Variants in MCC observed in about 807,000 individuals in gnomAD.
MCC encodes colorectal mutant cancer protein.
MCC carries 90 observed loss-of-function variants against 116.2 expected under a neutral mutation model. The ratio of observed to expected loss-of-function variants is 0.77; its 90% CI spans 0.65 to 0.92. The LOEUF (loss-of-function observed/expected upper bound fraction) is 0.92, where lower values mean the gene tolerates loss of function less well. Among genes scored for constraint, MCC ranks in the 40% least tolerant of loss-of-function variants. The probability of loss-of-function intolerance (pLI) is 0.00; values close to 1 mark genes in which losing one functional copy is unlikely to be tolerated. For missense variants in MCC, 1,516 were observed against 1,312.2 expected, an observed-to-expected ratio of 1.16 and a Z score of -2.40; for synonymous variants, 578 against 510.5, an observed-to-expected ratio of 1.13 and a Z score of -1.78.
intron 3 of MCC, among the ~76,000 whole-genome samples, chr5:113,322,770 A>C (rs1767454979): frequency 6.6e-6 from 1 of 152,190 alleles, no homozygotes; most frequent in Non-Finnish European, 1.5e-5. Context: ...AGGGAAGCCA[A>C]ACAAGAAACA....
chr5:113,144,175 C>A (rs1471805031), intron 4 of MCC, among the ~76,000 whole-genome samples: 2 of 152,154 alleles, frequency 1.3e-5, no homozygotes, highest in Non-Finnish European at 2.9e-5. Flanking sequence ...CCTTGCTCAG[C>A]ATTTGATGGA....
intron 3 of MCC, among the ~76,000 whole-genome samples, chr5:113,219,026 G>T (rs1370030160): frequency 1.3e-5 from 2 of 152,164 alleles, no homozygotes; most frequent in East Asian, 3.8e-4. Context: ...TTAAATTCCT[G>T]ATATAACAGA....
At chr5:113,223,128 G>A (rs74526604) in intron 3 of MCC, among the ~76,000 whole-genome samples, 2 of 152,252 alleles carry the variant, frequency 1.3e-5, no homozygotes, top group African/African-American at 4.8e-5. Flanking sequence ...CTGTCAGGGC[G>A]GCTTCCAGTG....
intron 1 of MCC, among the ~76,000 whole-genome samples, chr5:113,437,390 A>G (rs565756866): frequency 6.6e-6 from 1 of 152,328 alleles, no homozygotes; most frequent in South Asian, 2.1e-4. Flanking sequence ...GAGAAAAAAA[A>G]TTCATTTTCC....
At position 113,122,727 on chromosome 5, in the gene MCC, G is replaced by C. The variant is rs749477962; in HGVS notation, c.984C>G (p.Val328=). Residue 328 remains valine (V), a synonymous_variant, in exon 6 of 19, where the codon GTC becomes GTG. Transcript: ENST00000408903. The stretch of plus-strand genomic sequence containing the variant: ...TGGTAGACTGGTTTTCGGGGATAGA[G>C]ACAGAGGTCTGGTCTTGGTCCATGC... ...SRSMDQDQTS[V]SIPENQSTMV... 1.9e-6 allele frequency: 3 copies of C among 1,614,190 alleles called. No individual in the cohort carries two copies. Among genetic ancestry groups the C allele is most frequent in the African/African-American group, 1.3e-5 (1 of 75,056 alleles).
At chr5:113,356,588 A>G (rs781629362) in intron 2 of MCC, among the ~76,000 whole-genome samples, 82 of 152,308 alleles carry the variant, frequency 5.4e-4, no homozygotes, top group Non-Finnish European at 9.0e-4. Flanking sequence ...ATGCTAGAAC[A>G]GAAAAACCTG....
chr5:113,424,161 ACAC>A, intron 1 of MCC, among the ~76,000 whole-genome samples: 1 of 151,104 alleles, frequency 6.6e-6, no homozygotes, highest in African/African-American at 2.4e-5. Flanking sequence ...ACACACACAC[ACAC>A]ACACACACAC....
chr5:113,163,657 T>A (rs1023893537), intron 3 of MCC, among the ~76,000 whole-genome samples: 3 of 152,088 alleles, frequency 2.0e-5, no homozygotes, highest in Non-Finnish European at 4.4e-5. Flanking sequence ...TGGCACATGG[T>A]AGAATTTCAC....
chr5:113,256,171 C>G (rs544643541), intron 3 of MCC, among the ~76,000 whole-genome samples: 316 of 152,336 alleles, frequency 2.1e-3, no homozygotes, highest in African/African-American at 7.2e-3. Flanking sequence ...GCTGCACCAA[C>G]CCTATCTCTT....
At chr5:113,202,751 C>T (rs1762737894) in intron 3 of MCC, among the ~76,000 whole-genome samples, 1 of 150,428 alleles carries the variant, frequency 6.6e-6, no homozygotes. Context: ...CTACTTTCCC[C>T]TCAGCCCCAA....
At chr5:113,071,050 A>G in intron 12 of MCC, 44 bp downstream of exon 12, 1 of 1,584,134 alleles carries the variant, frequency 6.3e-7, no homozygotes, top group South Asian at 1.2e-5. Context: ...CTCTGGATGC[A>G]CTTCTACCCT....
At chr5:113,107,081 G>A (rs940751455) in intron 6 of MCC, among the ~76,000 whole-genome samples, 2 of 151,972 alleles carry the variant, frequency 1.3e-5, no homozygotes, top group African/African-American at 2.4e-5. Flanking sequence ...CTCATCATTT[G>A]TATCTCCAAC....
chr5:113,283,413 G>T (rs566073868), intron 3 of MCC, among the ~76,000 whole-genome samples: 2 of 152,236 alleles, frequency 1.3e-5, no homozygotes, highest in East Asian at 3.9e-4. Flanking sequence ...CAATAAACAC[G>T]TGAAGAGATG....
intron 14 of MCC, among the ~76,000 whole-genome samples, chr5:113,062,811 G>C (rs1331893986): frequency 6.6e-6 from 1 of 152,248 alleles, no homozygotes; most frequent in African/African-American, 2.4e-5. Context: ...ACCTGGGCCA[G>C]TAGAGGTAAA....
At position 113,164,455 on chromosome 5, in the gene MCC, G is replaced by C. The variant is rs115773174; in HGVS notation, c.628-13033C>G. On this transcript the variant is annotated intron_variant, in intron 3 of 18. Coordinates refer to ENST00000408903, the MANE Select transcript of MCC (RefSeq NM_001085377.2). ...TCCTTCCTAAATCATCAAACCTCCA[G>C]AACAATCCTTGATCGCCCAGGGGCC... Among the ~76,000 whole-genome samples, 318 of 152,218 alleles carry C rather than the reference G, an allele frequency of 2.1e-3. 1 individual carries two copies. The highest frequency in any genetic ancestry group is 7.5e-3 in the African/African-American group (311 of 41,508).
intron 1 of MCC, among the ~76,000 whole-genome samples, chr5:113,390,739 C>T (rs1769379765): frequency 6.6e-6 from 1 of 152,126 alleles, no homozygotes; most frequent in South Asian, 2.1e-4. Context: ...TAATAAATCC[C>T]AAACCCAGTT....
intron 17 of MCC, among the ~76,000 whole-genome samples, chr5:113,039,401 G>T (rs1751533476): frequency 6.6e-6 from 1 of 152,040 alleles, no homozygotes; most frequent in African/African-American, 2.4e-5. Flanking sequence ...ATATGCCATT[G>T]CTTCACAGCT....
Position 113,023,287 on chromosome 5 carries a change from T to A in MCC, c.*4015A>T, listed in dbSNP as rs954471681. On this transcript the variant is annotated 3_prime_UTR_variant, in exon 19 of 19. Transcript: ENST00000408903. ...AACTGGATAGTGAAGGCGTAACTTTTGTTTTGTAACCAGTTACGCCTCTTC... is the reference window on the plus strand; with the variant it reads ...AACTGGATAGTGAAGGCGTAACTTTAGTTTTGTAACCAGTTACGCCTCTTC... 1.3e-5 allele frequency: 2 copies of A among 152,260 alleles called. No homozygotes were observed. Among genetic ancestry groups the A allele is most frequent in the African/African-American group, 4.8e-5 (2 of 41,466 alleles). The allele number at this position is 152,260 out of a possible 1,614,324, so 9.4% of individuals were successfully genotyped here. A position where few individuals can be genotyped will look rare whatever the true frequency, so the allele number is the denominator to read the frequency against.
chr5:113,132,441 TATACAC>T lies in MCC; in HGVS notation c.885-9621_885-9616del, dbSNP rs1371195836. 1.3e-3 allele frequency among the ~76,000 whole-genome samples: 128 copies of T among 96,912 alleles called. 4 individuals are homozygous for T. Among genetic ancestry groups the T allele is most frequent in the Middle Eastern group, 5.3e-3 (1 of 188 alleles). 63.6% of individuals were successfully genotyped at this position (96,912 alleles called of 152,430 possible). On this transcript the variant is annotated intron_variant, in intron 5 of 18. Transcript: ENST00000408903. ...ATACACACATACATATATATATATA[TATACAC>T]ACACACACACACACACACACACACA...
Sources: gnomAD v4.1 joint callset for allele counts (sites outside exome capture counted in the v4.1 genomes callset) on GRCh38, gnomAD v4.1.1 for gene constraint, MANE v1.5 for transcripts, NCBI Gene and HGNC (gene_info 2026-07-23, HGNC 2026-07-21) for gene names.